Variants in VTI1A observed in about 807,000 individuals in gnomAD.
The protein encoded by VTI1A is vesicle transport through interaction with t-SNAREs homolog 1A.
Under a neutral mutation model 34.9 loss-of-function variants are expected in VTI1A, and 22 were observed. That is an observed-to-expected ratio of 0.63 (90% CI 0.45 to 0.90). The LOEUF (loss-of-function observed/expected upper bound fraction) is 0.90. Ranked by LOEUF, VTI1A falls within the 40% of genes least tolerant of loss-of-function variation. The pLI is 0.00. For synonymous variants in VTI1A, 87 were observed against 97.3 expected (o/e 0.89, Z 0.62); for missense variants, 268 against 275.6 (o/e 0.97, Z 0.20).
intron 7 of VTI1A, among the ~76,000 whole-genome samples, chr10:112,790,865 C>T (rs1393426040): frequency 1.3e-5 from 2 of 150,946 alleles, no homozygotes; most frequent in African/African-American, 2.4e-5. Flanking sequence ...AGGATTTTTG[C>T]TGGTCTGTAG....
intron 5 of VTI1A, among the ~76,000 whole-genome samples, chr10:112,568,579 G>C (rs1851991390): frequency 6.6e-6 from 1 of 152,116 alleles, no homozygotes; most frequent in African/African-American, 2.4e-5. Flanking sequence ...TCAGGAGGTG[G>C]AGCCAAGAGA....
At chr10:112,772,321 C>T (rs543774986) in intron 7 of VTI1A, among the ~76,000 whole-genome samples, 2 of 152,256 alleles carry the variant, frequency 1.3e-5, no homozygotes, top group African/African-American at 2.4e-5. Flanking sequence ...AGCATGTTTT[C>T]CTGTGCTTAT....
At chr10:112,468,105 C>T (rs1218083201) in intron 3 of VTI1A, among the ~76,000 whole-genome samples, 1 of 152,048 alleles carries the variant, frequency 6.6e-6, no homozygotes, top group Non-Finnish European at 1.5e-5. Context: ...GAGGAAGAAA[C>T]GTGTGTGTGC....
intron 7 of VTI1A, among the ~76,000 whole-genome samples, chr10:112,774,385 T>C (rs935723016): frequency 1.3e-5 from 2 of 152,164 alleles, no homozygotes; most frequent in Admixed American, 6.5e-5. Flanking sequence ...GCCTCTGCCA[T>C]TGACCATCCA....
chr10:112,726,219 C>T (rs948845665), intron 7 of VTI1A, among the ~76,000 whole-genome samples: 3 of 152,112 alleles, frequency 2.0e-5, no homozygotes, highest in Admixed American at 1.3e-4. Flanking sequence ...CCAACCAGAT[C>T]CTGCTGCTTC....
chr10:112,829,479 G>A, the VTI1A span, among the ~76,000 whole-genome samples: 509 of 149,970 alleles, frequency 3.4e-3, 4 homozygotes, highest in African/African-American at 0.012. Flanking sequence ...GGCTGGGCAC[G>A]GTGGCTCACG....
At chr10:112,762,768 T>TG (rs1473368455) in intron 7 of VTI1A, among the ~76,000 whole-genome samples, 1 of 152,118 alleles carries the variant, frequency 6.6e-6, no homozygotes, top group Non-Finnish European at 1.5e-5. Context: ...CACTTGAAAA[T>TG]GTAGCTTACT....
At position 112,480,285 on chromosome 10, in the gene VTI1A, G is replaced by C. The variant is rs115230383; in HGVS notation, c.264+15628G>C. Among the ~76,000 whole-genome samples the C allele has an allele frequency of 8.6e-3, 1,310 of 152,304 alleles. 11 individuals carry two copies. Among genetic ancestry groups the C allele is most frequent in the African/African-American group, 0.03 (1,245 of 41,562 alleles). ...GAACTTTCGAGCTGATGGTGTTTTA[G>C]TCACTTCAATAAAGTCAGTTTTAAT... On this transcript the variant is annotated intron_variant, in intron 3 of 7. Coordinates refer to ENST00000393077, the MANE Select transcript of VTI1A (RefSeq NM_145206.4).
rs533683972 is a variant in VTI1A, at chr10:112,640,058, T to A, written c.428-28160T>A. Among the ~76,000 whole-genome samples, 3 of 152,190 alleles carry A rather than the reference T, an allele frequency of 2.0e-5. No individual in the cohort carries two copies. The East Asian group carries it at 5.8e-4, about 29-fold the overall frequency. On this transcript the variant is annotated intron_variant, in intron 5 of 7. Coordinates refer to ENST00000393077, the MANE Select transcript of VTI1A (RefSeq NM_145206.4). ...TAATGATTCAAGGGCCATTTGGAGT[T>A]AAAATAGAAATATGAAATTATTTTT...
At chr10:112,604,336 A>G (rs1844991099) in intron 5 of VTI1A, among the ~76,000 whole-genome samples, 1 of 152,194 alleles carries the variant, frequency 6.6e-6, no homozygotes, top group Non-Finnish European at 1.5e-5. Context: ...ACGTGTAAAG[A>G]GTTACAACAC....
chr10:112,573,959 A>G (rs1852232391), intron 5 of VTI1A, among the ~76,000 whole-genome samples: 1 of 152,254 alleles, frequency 6.6e-6, no homozygotes, highest in Non-Finnish European at 1.5e-5. Flanking sequence ...AGAATATGAT[A>G]AAGTACATTG....
At chr10:112,553,783 AGG>A (rs1384406830) in intron 5 of VTI1A, among the ~76,000 whole-genome samples, 1 of 152,230 alleles carries the variant, frequency 6.6e-6, no homozygotes, top group Non-Finnish European at 1.5e-5. Context: ...ACTTAGATGC[AGG>A]GGGACTGGGA....
At chr10:112,586,768 C>T (rs1208411672) in intron 5 of VTI1A, among the ~76,000 whole-genome samples, 1 of 152,126 alleles carries the variant, frequency 6.6e-6, no homozygotes, top group African/African-American at 2.4e-5. Context: ...GTAAAAAAGA[C>T]CAAAGTAAAC....
intron 3 of VTI1A, among the ~76,000 whole-genome samples, chr10:112,514,666 T>C (rs1035265389): frequency 1.3e-5 from 2 of 152,008 alleles, no homozygotes; most frequent in African/African-American, 4.8e-5. Context: ...CTGCTTTTGC[T>C]GCATCCCATA....
chr10:112,740,312 C>T (rs1431276582), intron 7 of VTI1A, among the ~76,000 whole-genome samples: 1 of 151,912 alleles, frequency 6.6e-6, no homozygotes, highest in African/African-American at 2.4e-5. Context: ...CTTTTTGAGA[C>T]AGAGTCTTGC....
chr10:112,591,463 T>C (rs1372637139), intron 5 of VTI1A, among the ~76,000 whole-genome samples: 1 of 152,000 alleles, frequency 6.6e-6, no homozygotes, highest in African/African-American at 2.4e-5. Flanking sequence ...GAGCTTGCAG[T>C]GAGCAGAGAT....
intron 7 of VTI1A, among the ~76,000 whole-genome samples, chr10:112,735,166 C>T (rs1850408564): frequency 6.6e-6 from 1 of 152,122 alleles, no homozygotes; most frequent in South Asian, 2.1e-4. Flanking sequence ...TTATGTTCTT[C>T]ATTACAAATC....
intron 7 of VTI1A, among the ~76,000 whole-genome samples, chr10:112,702,060 A>G (rs751049333): frequency 6.6e-6 from 1 of 152,204 alleles, no homozygotes; most frequent in African/African-American, 2.4e-5. Context: ...CAGGACCCCA[A>G]CTGAAAGAAG....
intron 5 of VTI1A, among the ~76,000 whole-genome samples, chr10:112,624,306 A>G (rs1261217245): frequency 6.6e-6 from 1 of 152,188 alleles, no homozygotes; most frequent in South Asian, 2.1e-4. Context: ...GGGAAAAAAA[A>G]GTATGAAATG....
Sources: allele counts gnomAD v4.1 joint callset (sites outside exome capture counted in the v4.1 genomes callset), GRCh38; gene constraint gnomAD v4.1.1; transcripts MANE v1.5; gene names NCBI Gene and HGNC (gene_info 2026-07-23, HGNC 2026-07-21).